GRIP1: variants seen among roughly 807,000 people sequenced by gnomAD.
GRIP1 encodes the protein glutamate receptor-interacting protein 1.
GRIP1 carries 45 observed loss-of-function variants against 129.9 expected under a neutral mutation model. The ratio of observed to expected loss-of-function variants is 0.35; its 90% CI spans 0.27 to 0.44. GRIP1 has a LOEUF of 0.44. GRIP1 is among the 20% of genes least tolerant of loss of function. GRIP1 has a pLI of 1.00. For missense variants in GRIP1, 1,196 were observed against 1,396.8 expected (o/e 0.86, Z 2.29); for synonymous variants, 530 against 520.8 (o/e 1.02, Z -0.24).
At chr12:66,745,178 T>G (rs1173303313) in intron 1 of GRIP1, among the ~76,000 whole-genome samples, 1 of 152,090 alleles carries the variant, frequency 6.6e-6, no homozygotes, top group African/African-American at 2.4e-5. Context: ...ATATATAAAC[T>G]AGTCAGTAAA....
chr12:66,591,586 CTT>C (rs2063847801), intron 2 of GRIP1, among the ~76,000 whole-genome samples: 1 of 152,086 alleles, frequency 6.6e-6, no homozygotes. Context: ...ATTCAACTGA[CTT>C]TGGTTTCTCA....
chr12:66,902,037 G>A (rs2040852077), intron 1 of GRIP1, among the ~76,000 whole-genome samples: 1 of 152,188 alleles, frequency 6.6e-6, no homozygotes, highest in Non-Finnish European at 1.5e-5. Context: ...GGAGAATTAA[G>A]ACCCATGATT....
chr12:66,515,965 T>C lies in GRIP1; in HGVS notation c.579-201A>G, dbSNP rs147843028. On this transcript the variant is annotated intron_variant, in intron 6 of 24. Transcript: ENST00000359742. ...ATTGCTGTAATATGAAAATCAGTAA[T>C]GAGAAAATAACTACACATTAGCAAA... Among the ~76,000 whole-genome samples, 662 of 152,218 alleles carry C rather than the reference T, an allele frequency of 4.3e-3. 3 individuals are homozygous for C. Among genetic ancestry groups the C allele is most frequent in the African/African-American group, 0.015 (629 of 41,542 alleles).
chr12:66,697,260 T>A (rs1390640120), intron 1 of GRIP1, among the ~76,000 whole-genome samples: 1 of 152,210 alleles, frequency 6.6e-6, no homozygotes, highest in Non-Finnish European at 1.5e-5. Context: ...GTAACTTATT[T>A]CCTTTTGCAT....
chr12:66,969,634 C>A (rs956965545), intron 1 of GRIP1, among the ~76,000 whole-genome samples: 1 of 152,026 alleles, frequency 6.6e-6, no homozygotes, highest in East Asian at 1.9e-4. Context: ...CCAGGCTGGT[C>A]TGGAACTCTT....
At chr12:66,828,559 A>G (rs1351819167) in intron 1 of GRIP1, among the ~76,000 whole-genome samples, 1 of 152,122 alleles carries the variant, frequency 6.6e-6, no homozygotes, top group Non-Finnish European at 1.5e-5. Context: ...AACTCCCATC[A>G]TTTTTCAATA....
At chr12:66,929,222 C>T (rs757671575) in intron 1 of GRIP1, among the ~76,000 whole-genome samples, 7 of 152,200 alleles carry the variant, frequency 4.6e-5, no homozygotes, top group Non-Finnish European at 8.8e-5. Context: ...CCTTTGTTTG[C>T]TTCTCTCTAA....
intron 1 of GRIP1, among the ~76,000 whole-genome samples, chr12:66,980,499 T>A (rs1005116811): frequency 6.6e-6 from 1 of 151,962 alleles, no homozygotes; most frequent in African/African-American, 2.4e-5. Flanking sequence ...TAGTCCCAGC[T>A]ACTTGGGAGG....
chr12:66,721,575 T>C (rs1056364139), intron 1 of GRIP1, among the ~76,000 whole-genome samples: 7 of 152,172 alleles, frequency 4.6e-5, no homozygotes, highest in African/African-American at 1.2e-4. Context: ...GACCCTATGA[T>C]TTTTTGGAAT....
intron 23 of GRIP1, among the ~76,000 whole-genome samples, chr12:66,370,733 G>C (rs2055440750): frequency 6.6e-6 from 1 of 152,150 alleles, no homozygotes; most frequent in Admixed American, 6.5e-5. Context: ...GACCTCCATT[G>C]CTCTCCTTGG....
At chr12:66,862,587 C>T (rs1416118575) in intron 1 of GRIP1, among the ~76,000 whole-genome samples, 2 of 152,062 alleles carry the variant, frequency 1.3e-5, no homozygotes, top group Non-Finnish European at 2.9e-5. Context: ...CAGCACAGTG[C>T]CCACAGGGTG....
chr12:66,723,338 A>T (rs2036154218), intron 1 of GRIP1, among the ~76,000 whole-genome samples: 2 of 116,562 alleles, frequency 1.7e-5, no homozygotes, highest in East Asian at 2.4e-4. Flanking sequence ...TTTGAGACAG[A>T]GTCTCACTCT....
intron 1 of GRIP1, among the ~76,000 whole-genome samples, chr12:66,863,860 C>G (rs1422548120): frequency 6.6e-6 from 1 of 152,060 alleles, no homozygotes; most frequent in Admixed American, 6.6e-5. Context: ...CCTCACAGAC[C>G]CATAGCAGTT....
At chr12:66,526,338 T>A (rs544457993) in intron 5 of GRIP1, among the ~76,000 whole-genome samples, 2 of 152,144 alleles carry the variant, frequency 1.3e-5, no homozygotes, top group African/African-American at 4.8e-5. Flanking sequence ...CAGATATAGA[T>A]CAATGGAACA....
intron 1 of GRIP1, among the ~76,000 whole-genome samples, chr12:66,613,176 C>A (rs1464322792): frequency 2.6e-5 from 4 of 152,168 alleles, no homozygotes; most frequent in South Asian, 2.1e-4. Context: ...CAGGTGGGCA[C>A]ATGCCAATTC....
At chr12:66,999,994 A>G (rs1052435239) in intron 1 of GRIP1, among the ~76,000 whole-genome samples, 49 of 152,182 alleles carry the variant, frequency 3.2e-4, no homozygotes, top group Admixed American at 5.9e-4. Flanking sequence ...TCAGGAGCTC[A>G]AAGATTTCTC....
At chr12:66,948,240 A>G (rs904009738) in intron 1 of GRIP1, among the ~76,000 whole-genome samples, 2 of 152,186 alleles carry the variant, frequency 1.3e-5, no homozygotes, top group Non-Finnish European at 2.9e-5. Context: ...CTTCTGGAGG[A>G]GCATGGACTT....
chr12:66,438,747 T>C (rs2058386669), intron 13 of GRIP1, among the ~76,000 whole-genome samples: 1 of 152,062 alleles, frequency 6.6e-6, no homozygotes, highest in Non-Finnish European at 1.5e-5. Flanking sequence ...CCACCCGCCT[T>C]GGCCTCCCAA....
At chr12:66,821,529 G>T (rs1300859668) in intron 1 of GRIP1, among the ~76,000 whole-genome samples, 26 of 152,112 alleles carry the variant, frequency 1.7e-4, no homozygotes, top group Non-Finnish European at 1.5e-5. Flanking sequence ...TTGAGAAAAG[G>T]TTAAACAGAT....
Sources: gnomAD v4.1 joint callset for allele counts (sites outside exome capture counted in the v4.1 genomes callset) on GRCh38, gnomAD v4.1.1 for gene constraint, MANE v1.5 for transcripts, NCBI Gene and HGNC (gene_info 2026-07-23, HGNC 2026-07-21) for gene names.